MYO5B: variants seen among roughly 807,000 people sequenced by gnomAD.
The protein encoded by MYO5B is myosin VB, also known as unconventional myosin-Vb.
A neutral mutation model predicts 229.3 loss-of-function variants in MYO5B; 143 were observed. That is an observed-to-expected ratio of 0.62 (90% CI 0.54 to 0.72). The LOEUF (loss-of-function observed/expected upper bound fraction) is 0.72. MYO5B is among the 30% of genes least tolerant of loss of function. MYO5B has a pLI of 0.00. For missense variants in MYO5B, 2,321 were observed against 2,331.0 expected (o/e 1.00, Z 0.09); for synonymous variants, 918 against 885.2 (o/e 1.04, Z -0.66).
chr18:49,978,366 A>G (rs2025776163), intron 9 of MYO5B, among the ~76,000 whole-genome samples: 1 of 152,094 alleles, frequency 6.6e-6, no homozygotes, highest in Non-Finnish European at 1.5e-5. Flanking sequence ...GGTCAACTAT[A>G]AGATCAGAGA....
chr18:50,049,986 A>G (rs746990240), intron 2 of MYO5B, among the ~76,000 whole-genome samples: 5 of 151,532 alleles, frequency 3.3e-5, no homozygotes, highest in Non-Finnish European at 7.4e-5. Context: ...TTTTACCACA[A>G]TTTTTTTTTA....
At chr18:50,045,952 A>G (rs1484409371) in intron 2 of MYO5B, among the ~76,000 whole-genome samples, 4 of 152,252 alleles carry the variant, frequency 2.6e-5, no homozygotes, top group Non-Finnish European at 5.9e-5. Flanking sequence ...TCTGTGTTAC[A>G]TAGTACAACA....
intron 31 of MYO5B, 41 bp downstream of exon 31, chr18:49,853,408 T>C (rs771776277): frequency 2.5e-6 from 4 of 1,610,398 alleles, no homozygotes; most frequent in African/African-American, 1.3e-5. Flanking sequence ...TTCTAGAACG[T>C]GACTTCCCAA....
In MYO5B at chr18:49,904,788, G is replaced by A. The variant is rs757025834; in HGVS notation, c.2455C>T (p.Leu819Phe). 6.2e-7 allele frequency: 1 copy of A among 1,613,958 alleles called. No individual in the cohort carries two copies. The highest frequency in any genetic ancestry group is 1.1e-5 in the South Asian group (1 of 91,086). ...CTCTGCATGCGGTAATGTTTCTGGAGCACCACAGCCGCTCTGATCCTCCGC... is the reference window on the plus strand; with the variant it reads ...CTCTGCATGCGGTAATGTTTCTGGAACACCACAGCCGCTCTGATCCTCCGC... ...HLRRIRAAVV[L>F]QKHYRMQRAR... is the part of the protein sequence containing the mutation. The change falls in exon 20 of 40, where the codon CTC (leucine) becomes TTC (phenylalanine). Residue 819 changes from leucine to phenylalanine, a missense_variant. Leu to Phe is a conservative substitution (Grantham distance 22). This residue lies in a region of MYO5B where 2,113 missense variants were observed against 2,044.7 expected (regional missense o/e 1.03). Transcript: ENST00000285039.
intron 27 of MYO5B, among the ~76,000 whole-genome samples, chr18:49,864,830 T>G (rs1186726294): frequency 1.3e-5 from 2 of 152,224 alleles, no homozygotes; most frequent in Non-Finnish European, 2.9e-5. Flanking sequence ...CGTTGCTCCC[T>G]ATTTTTCAGG....
intron 9 of MYO5B, among the ~76,000 whole-genome samples, chr18:49,975,088 G>T (rs1024378318): frequency 6.6e-6 from 1 of 152,282 alleles, no homozygotes; most frequent in East Asian, 1.9e-4. Flanking sequence ...GTTTGCATCT[G>T]CTGAGGTATG....
intron 12 of MYO5B, among the ~76,000 whole-genome samples, chr18:49,960,941 C>T (rs1046131894): frequency 3.3e-5 from 5 of 152,194 alleles, no homozygotes; most frequent in African/African-American, 7.2e-5. Context: ...GGGAGCCACA[C>T]CAGCTTAGCA....
At chr18:49,874,493 C>T (rs2024493366) in intron 26 of MYO5B, among the ~76,000 whole-genome samples, 1 of 152,220 alleles carries the variant, frequency 6.6e-6, no homozygotes, top group Non-Finnish European at 1.5e-5. Flanking sequence ...CATTCTGAAT[C>T]AAGTCCACCT....
rs1193958674 is a variant in MYO5B at position 49,936,323 on chromosome 18, C to T, written c.1932G>A (p.Met644Ile). The T allele has an allele frequency of 6.9e-6, 11 of 1,602,008 alleles. No homozygotes were observed. Among genetic ancestry groups the T allele is most frequent in the African/African-American group, 1.3e-5 (1 of 74,794 alleles). Residue 644 changes from methionine (M) to isoleucine (I), a missense_variant, in exon 16 of 40, where the codon ATG becomes ATA. Met to Ile is a conservative substitution (Grantham distance 10, BLOSUM62 1). Around this residue, in one of 2 missense-constraint regions of MYO5B, gnomAD observed 2,113 missense variants for 2,044.7 expected, o/e 1.03. Transcript: ENST00000285039. ...HQFRTSLHLLMETLNATTPHY... is the reference protein window; with the variant it reads ...HQFRTSLHLLIETLNATTPHY... ...GAGGTGTCGTGGCATTCAGGGTCTC[C>T]ATGAGCAGATGCAGGGAGGTACGGA... is the stretch of plus-strand genomic sequence containing the variant.
intron 26 of MYO5B, 29 bp downstream of exon 26, chr18:49,875,658 C>T (rs758694955): frequency 9.9e-6 from 16 of 1,613,854 alleles, no homozygotes; most frequent in Admixed American, 8.3e-5. Flanking sequence ...ATCCAAGCAC[C>T]ATAAGAGCAC....
chr18:49,935,459 G>C (rs1392921483), intron 16 of MYO5B, among the ~76,000 whole-genome samples: 1 of 152,136 alleles, frequency 6.6e-6, no homozygotes. Context: ...GGGAGATCAG[G>C]TCTCATGGGT....
At chr18:50,118,814 T>C (rs1705542) in intron 1 of MYO5B, among the ~76,000 whole-genome samples, 148,971 of 152,064 alleles carry the variant, frequency 0.98, 73,049 homozygotes, top group East Asian at 1. Flanking sequence ...TTAGTAGAGA[T>C]GGGGTTTCGC....
At chr18:50,028,287 A>G (rs1400908754) in intron 4 of MYO5B, among the ~76,000 whole-genome samples, 2 of 152,328 alleles carry the variant, frequency 1.3e-5, no homozygotes, top group African/African-American at 4.8e-5. Flanking sequence ...TAAACTTATA[A>G]TAAGTAAACA....
At position 49,864,405 on chromosome 18, in the gene MYO5B, G is replaced by A. The variant is rs575813968; in HGVS notation, c.3604-25C>T. ...TCTGGAAGACAGCCCAAGGGCCGCTGCCATTACTCCCTGCCCTAGGGCTCT... is the reference window on the plus strand; with the variant it reads ...TCTGGAAGACAGCCCAAGGGCCGCTACCATTACTCCCTGCCCTAGGGCTCT... On this transcript the variant is annotated intron_variant, in intron 27 of 39. Coordinates refer to ENST00000285039, the MANE Select transcript of MYO5B (RefSeq NM_001080467.3). The A allele has an allele frequency of 2.1e-5, 34 of 1,611,540 alleles. No individual in the cohort carries two copies. In the South Asian group the frequency reaches 3.3e-4, roughly 16 times the overall value.
At chr18:49,985,779 AGCAT>A (rs1394112977) in intron 7 of MYO5B, among the ~76,000 whole-genome samples, 5 of 152,118 alleles carry the variant, frequency 3.3e-5, no homozygotes, top group Admixed American at 1.3e-4. Flanking sequence ...CCTGGACCTG[AGCAT>A]GCAGGGCTGA....
intron 1 of MYO5B, among the ~76,000 whole-genome samples, chr18:50,162,547 A>G (rs181510284): frequency 1.3e-5 from 2 of 152,342 alleles, no homozygotes; most frequent in Admixed American, 6.5e-5. Context: ...AGCCTCCTGT[A>G]ACTGATGAGG....
chr18:50,006,492 C>T, intron 4 of MYO5B, among the ~76,000 whole-genome samples: 1 of 152,196 alleles, frequency 6.6e-6, no homozygotes, highest in Admixed American at 6.5e-5. Context: ...GACAAGAGTA[C>T]AGGAGCCTGA....
chr18:49,936,429 C>T (rs183646156), intron 15 of MYO5B, 80 bp from the exon 16 acceptor site: 80 of 1,003,046 alleles, frequency 8.0e-5, no homozygotes, highest in African/African-American at 3.4e-4. Context: ...ATATGGGTGG[C>T]GGTAGTTATT....
Position 49,953,257 on chromosome 18 carries a change from T to A in MYO5B, c.1752+3A>T. 1.2e-6 allele frequency: 2 copies of A among 1,613,886 alleles called. No individual in the cohort carries two copies. Among genetic ancestry groups the A allele is most frequent in the Non-Finnish European group, 1.7e-6 (2 of 1,179,782 alleles). On this transcript the variant is annotated splice_donor_region_variant and intron_variant, in intron 14 of 39. Coordinates refer to ENST00000285039, the MANE Select transcript of MYO5B (RefSeq NM_001080467.3). The stretch of plus-strand genomic sequence containing the variant: ...TCCACTCCCCACTTCTGACACTCTT[T>A]ACCTTGCTGGCCTTCAGGATATTGA...
Sources: allele counts gnomAD v4.1 joint callset (sites outside exome capture counted in the v4.1 genomes callset), GRCh38; gene constraint gnomAD v4.1.1; regional missense constraint gnomAD v4.1.1; transcripts MANE v1.5; gene names NCBI Gene and HGNC (gene_info 2026-07-23, HGNC 2026-07-21).